GYS2: variants seen among roughly 807,000 people sequenced by gnomAD.
The protein encoded by GYS2 is glycogen [starch] synthase, liver.
In GYS2, 80 loss-of-function variants were observed where a neutral mutation model predicts 85.6. That is an observed-to-expected ratio of 0.93 (90% confidence interval 0.78 to 1.13). GYS2 has a LOEUF of 1.13. Ranked by LOEUF, GYS2 falls within the 50% of genes most tolerant of loss-of-function variation. The pLI is 0.00. For missense variants in GYS2, 881 were observed against 854.9 expected (o/e 1.03, Z -0.38); for synonymous variants, 328 against 300.7 (o/e 1.09, Z -0.94).
intron 1 of GYS2, among the ~76,000 whole-genome samples, chr12:21,597,394 A>T (rs1944708512): frequency 6.6e-6 from 1 of 152,160 alleles, no homozygotes; most frequent in Admixed American, 6.5e-5. Flanking sequence ...TTGGCAAAGG[A>T]TATTTTTCAA....
intron 11 of GYS2, among the ~76,000 whole-genome samples, chr12:21,546,808 C>A (rs532720973): frequency 4.1e-4 from 63 of 152,300 alleles, no homozygotes; most frequent in African/African-American, 1.4e-3. Flanking sequence ...ATTTGGTTAT[C>A]TAATTGCTCT....
downstream of GYS2, among the ~76,000 whole-genome samples, chr12:21,535,764 A>G (rs1444899081): frequency 6.6e-6 from 1 of 152,232 alleles, no homozygotes; most frequent in Admixed American, 6.5e-5. Flanking sequence ...GCCAATTGAT[A>G]TGTCAATAAA....
intron 1 of GYS2, among the ~76,000 whole-genome samples, chr12:21,592,056 C>G (rs1944645268): frequency 6.6e-6 from 1 of 151,524 alleles, no homozygotes; most frequent in African/African-American, 2.4e-5. Context: ...ATACAACTAA[C>G]TGGTAGAGCA....
rs1228655374 is a variant in GYS2, at chr12:21,601,628, G to T, written c.121+2844C>A. On this transcript the variant is annotated intron_variant, in intron 1 of 15. Transcript: ENST00000261195. ...TTTTCCCAAACCTCTAGGTAACTAG[G>T]TTAGAAACCACTCCCCATTCCACGG... 3.9e-5 allele frequency among the ~76,000 whole-genome samples: 6 copies of T among 152,116 alleles called. No homozygotes were observed. In the East Asian group the frequency reaches 9.7e-4, roughly 25 times the overall value.
intron 1 of GYS2, among the ~76,000 whole-genome samples, chr12:21,582,110 G>T (rs1944516672): frequency 1.3e-5 from 2 of 152,070 alleles, no homozygotes; most frequent in Non-Finnish European, 2.9e-5. Flanking sequence ...TGCAACAAAA[G>T]GCTAATATAC....
chr12:21,581,986 AAAAC>A (rs1245515120), intron 1 of GYS2, among the ~76,000 whole-genome samples: 1 of 152,174 alleles, frequency 6.6e-6, no homozygotes, highest in Non-Finnish European at 1.5e-5. Flanking sequence ...AACAAAAACA[AAAAC>A]AGACAAATGG....
chr12:21,568,839 A>G (rs779525217), intron 5 of GYS2, 26 bp downstream of exon 5: 3 of 1,598,462 alleles, frequency 1.9e-6, no homozygotes, highest in Non-Finnish European at 8.6e-7. Flanking sequence ...GAACTGAAAG[A>G]TAGGTGATCC....
At chr12:21,562,865 A>AG in intron 7 of GYS2, 53 bp downstream of exon 7, 1 of 1,601,846 alleles carries the variant, frequency 6.2e-7, no homozygotes, top group Non-Finnish European at 8.5e-7. Flanking sequence ...CACTTCCCAC[A>AG]GAAGAAAGTT....
chr12:21,553,098 A>G (rs1173213232), intron 11 of GYS2, among the ~76,000 whole-genome samples: 1 of 152,230 alleles, frequency 6.6e-6, no homozygotes, highest in Non-Finnish European at 1.5e-5. Flanking sequence ...CGCTCAGGCT[A>G]GAGTGCAGTG....
At chr12:21,602,805 C>T (rs1051503277) in intron 1 of GYS2, among the ~76,000 whole-genome samples, 2 of 152,040 alleles carry the variant, frequency 1.3e-5, no homozygotes, top group Non-Finnish European at 1.5e-5. Flanking sequence ...GTTTCACTGG[C>T]GTGTTCCCAG....
Position 21,542,561 on chromosome 12 carries a change from ACACTGGGGATACCCATCACAGTG to A in GYS2, c.1557_1579del (p.Thr520AspfsTer17), listed in dbSNP as rs764833435. The A allele has an allele frequency of 2.9e-5, 47 of 1,613,608 alleles. No homozygotes were observed. In the African/African-American group the frequency reaches 5.5e-4, roughly 19 times the overall value. On this transcript the variant is annotated frameshift_variant, in exon 13 of 16. Coordinates refer to ENST00000261195, the MANE Select transcript of GYS2 (RefSeq NM_021957.4). LOFTEE classifies it high-confidence loss of function. Reference sequence around the variant, plus strand: ...GCCAAACCCGGAGAGATTCGTGGTCACACTGGGGATACCCATCACAGTGCATTCAGCTGCCAGGGGAAATAGAC... The same window carrying A: ...GCCAAACCCGGAGAGATTCGTGGTCACATTCAGCTGCCAGGGGAAATAGAC...
chr12:21,586,285 A>G (rs1944572032), intron 1 of GYS2, among the ~76,000 whole-genome samples: 2 of 152,078 alleles, frequency 1.3e-5, no homozygotes, highest in Admixed American at 1.3e-4. Flanking sequence ...GCCCTCAAAC[A>G]TTGGACTCCA....
At chr12:21,593,746 T>C (rs908593259) in intron 1 of GYS2, among the ~76,000 whole-genome samples, 5 of 152,104 alleles carry the variant, frequency 3.3e-5, no homozygotes, top group Admixed American at 1.3e-4. Context: ...GAAGGAATTC[T>C]CCCTAACTCA....
At chr12:21,544,285 A>C (rs887775) in intron 12 of GYS2, among the ~76,000 whole-genome samples, 105,372 of 152,082 alleles carry the variant, frequency 0.69, 37,961 homozygotes, top group South Asian at 0.8. Context: ...ACTATGGACT[A>C]TTCCACAAAC....
At chr12:21,574,831 A>T (rs1944427144) in intron 3 of GYS2, among the ~76,000 whole-genome samples, 1 of 152,008 alleles carries the variant, frequency 6.6e-6, no homozygotes, top group African/African-American at 2.4e-5. Flanking sequence ...GAGACTTGAA[A>T]ATGCCTTGTA....
intron 1 of GYS2, among the ~76,000 whole-genome samples, chr12:21,585,596 T>C (rs927908921): frequency 7.0e-6 from 1 of 142,302 alleles, no homozygotes; most frequent in Non-Finnish European, 1.5e-5. Context: ...CCTGCTGAGG[T>C]GCTTGCTGAG....
In GYS2 at chr12:21,575,903, A is replaced by G; in HGVS notation, c.458T>C (p.Leu153Pro). 1.9e-6 allele frequency: 3 copies of G among 1,613,884 alleles called. No homozygotes were observed. Among genetic ancestry groups the G allele is most frequent in the Middle Eastern group, 3.3e-4 (2 of 6,062 alleles). Residue 153 changes from leucine to proline, a missense_variant, in exon 3 of 16, where the codon CTG (leucine) becomes CCG (proline). By Grantham distance (98) the Leu-to-Pro change is moderately conservative. Coordinates refer to ENST00000261195, the MANE Select transcript of GYS2 (RefSeq NM_021957.4). ...CCAGGCAGTTAAAGATCCAAATATC[A>G]GCATATCATTGGCTTCTCGGTCATG... is the stretch of plus-strand genomic sequence containing the variant. ...PYHDREANDM[L>P]IFGSLTAWFL...
chr12:21,580,169 T>C (rs1021538683), intron 2 of GYS2, among the ~76,000 whole-genome samples, 173 bp downstream of exon 2: 1 of 152,234 alleles, frequency 6.6e-6, no homozygotes, highest in African/African-American at 2.4e-5. Context: ...TCCTCGGTTT[T>C]CACAAGGTGT....
chr12:21,595,332 A>G (rs1181729298), intron 1 of GYS2, among the ~76,000 whole-genome samples: 1 of 152,110 alleles, frequency 6.6e-6, no homozygotes, highest in Non-Finnish European at 1.5e-5. Flanking sequence ...CACCCCAAAT[A>G]CTGTGAGTGC....
Sources: gnomAD v4.1 joint callset for allele counts (sites outside exome capture counted in the v4.1 genomes callset) on GRCh38, gnomAD v4.1.1 for gene constraint, MANE v1.5 for transcripts, NCBI Gene and HGNC (gene_info 2026-07-23, HGNC 2026-07-21) for gene names.